TACR1: variants seen among roughly 807,000 people sequenced by gnomAD.
TACR1 encodes substance-P receptor.
In TACR1, 25 loss-of-function variants were observed where a neutral mutation model predicts 35.8. The ratio of observed to expected loss-of-function variants is 0.70; its 90% CI spans 0.51 to 0.98. The LOEUF is 0.98. Among genes scored for constraint, TACR1 ranks in the 50% least tolerant of loss-of-function variants. The pLI, the probability that TACR1 is intolerant of heterozygous loss-of-function variation, is 0.00. For synonymous variants in TACR1, 195 were observed against 206.7 expected (o/e 0.94, Z 0.48); for missense variants, 478 against 522.9 (o/e 0.91, Z 0.84).
chr2:75,090,162 G>T (rs1673281061), intron 2 of TACR1, among the ~76,000 whole-genome samples: 1 of 152,158 alleles, frequency 6.6e-6, no homozygotes, highest in Non-Finnish European at 1.5e-5. Flanking sequence ...TCCCCTGAAT[G>T]TCCATCCTCC....
intron 1 of TACR1, among the ~76,000 whole-genome samples, chr2:75,176,570 CAGA>C (rs1050642405): frequency 1.8e-4 from 27 of 152,218 alleles, no homozygotes; most frequent in African/African-American, 6.3e-4. Flanking sequence ...TGGACTTTCC[CAGA>C]AGATTTCTGG....
chr2:75,163,788 T>A (rs1675071016), intron 1 of TACR1, among the ~76,000 whole-genome samples: 1 of 152,206 alleles, frequency 6.6e-6, no homozygotes, highest in African/African-American at 2.4e-5. Context: ...GAGAGTGATT[T>A]GTATCCCAAT....
At chr2:75,055,228 A>C (rs1165334453) in intron 2 of TACR1, among the ~76,000 whole-genome samples, 1 of 152,216 alleles carries the variant, frequency 6.6e-6, no homozygotes, top group African/African-American at 2.4e-5. Context: ...TTCTTTGTAA[A>C]GCCCCACAGT....
intron 2 of TACR1, among the ~76,000 whole-genome samples, chr2:75,054,014 T>TA (rs942180915): frequency 3.6e-4 from 55 of 151,336 alleles, no homozygotes; most frequent in Admixed American, 1.8e-3. Flanking sequence ...CTGTTCAGAT[T>TA]AAAAAAAAAG....
At position 75,048,894 on chromosome 2, in the gene TACR1, CAT is replaced by C. The variant is rs1190150124; in HGVS notation, c.*536_*537del. ...TACTGAGATGCCAAAAAGGGGAATA[CAT>C]ATGTTTCTTTTCACAGATGCTTAGA... On this transcript the variant is annotated 3_prime_UTR_variant, in exon 5 of 5. Transcript: ENST00000305249. 6.5e-6 allele frequency: 1 copy of C among 153,614 alleles called. No homozygotes were observed. The highest frequency in any genetic ancestry group is 2.4e-5 in the African/African-American group (1 of 41,442). 9.5% of individuals were successfully genotyped at this position (153,614 alleles called of 1,614,324 possible).
rs907930365 is a variant in TACR1, at chr2:75,134,438, A to G, written c.390-13670T>C. 5.3e-5 allele frequency among the ~76,000 whole-genome samples: 8 copies of G among 152,332 alleles called. No homozygotes were observed. In the South Asian group the frequency reaches 1.7e-3, roughly 32 times the overall value. On this transcript the variant is annotated intron_variant, in intron 1 of 4. Coordinates refer to ENST00000305249, the MANE Select transcript of TACR1 (RefSeq NM_001058.4). ...AGTGGCTGTCTCTGGAGAAGGACACACATGATAATAAAGATGCAATTTGCT... is the reference window on the plus strand; with the variant it reads ...AGTGGCTGTCTCTGGAGAAGGACACGCATGATAATAAAGATGCAATTTGCT...
intron 2 of TACR1, among the ~76,000 whole-genome samples, chr2:75,098,114 C>T (rs1490209332): frequency 6.6e-6 from 1 of 152,124 alleles, no homozygotes; most frequent in African/African-American, 2.4e-5. Context: ...CGTAGAAATG[C>T]AGGGCAGATG....
Position 75,174,650 on chromosome 2 carries a change from A to G in TACR1, c.389+23896T>C, listed in dbSNP as rs574579272. Among the ~76,000 whole-genome samples, 17 of 152,334 alleles carry G rather than the reference A, an allele frequency of 1.1e-4. 1 individual carries two copies. In the East Asian group the frequency reaches 3.3e-3, roughly 29 times the overall value. On this transcript the variant is annotated intron_variant, in intron 1 of 4. Coordinates refer to ENST00000305249, the MANE Select transcript of TACR1 (RefSeq NM_001058.4). ...ATAAGGGGGGACTATTGTAATAGCAAATGGTTGCTGACAGAGGAAGAGGTG... is the reference window on the plus strand; with the variant it reads ...ATAAGGGGGGACTATTGTAATAGCAGATGGTTGCTGACAGAGGAAGAGGTG...
At chr2:75,113,759 A>C (rs1428313267) in intron 2 of TACR1, among the ~76,000 whole-genome samples, 3 of 152,062 alleles carry the variant, frequency 2.0e-5, no homozygotes, top group African/African-American at 7.2e-5. Flanking sequence ...CAGCTAGCAT[A>C]AACAATCAAT....
chr2:75,127,870 C>T (rs944059360), intron 1 of TACR1, among the ~76,000 whole-genome samples: 1 of 152,162 alleles, frequency 6.6e-6, no homozygotes, highest in East Asian at 1.9e-4. Context: ...CCATCTCTTT[C>T]AGGAAAACTT....
At chr2:75,068,636 T>A (rs1672815739) in intron 2 of TACR1, among the ~76,000 whole-genome samples, 1 of 152,236 alleles carries the variant, frequency 6.6e-6, no homozygotes, top group African/African-American at 2.4e-5. Context: ...CCTCATTCAG[T>A]TCTCCCAACA....
chr2:75,107,759 T>C (rs1673677235), intron 2 of TACR1, among the ~76,000 whole-genome samples: 1 of 151,762 alleles, frequency 6.6e-6, no homozygotes, highest in African/African-American at 2.4e-5. Flanking sequence ...TATTTGACAA[T>C]TGAAAATAAA....
intron 2 of TACR1, among the ~76,000 whole-genome samples, chr2:75,077,766 G>A (rs542984271): frequency 1.2e-3 from 185 of 152,324 alleles, no homozygotes; most frequent in African/African-American, 4.1e-3. Flanking sequence ...ATCCTTGGGA[G>A]TATGGAGCTG....
In TACR1 at chr2:75,151,181, G is replaced by T. The variant is rs1202668894; in HGVS notation, c.390-30413C>A. 3.3e-5 allele frequency among the ~76,000 whole-genome samples: 5 copies of T among 152,336 alleles called. 1 individual carries two copies. In the South Asian group the frequency reaches 6.2e-4, roughly 19 times the overall value. On this transcript the variant is annotated intron_variant, in intron 1 of 4. Transcript: ENST00000305249. ...AAAAGAAAAACTCATTTTCTGGGGAGAAATTCAAGCTGGCTGCAGAAGTTT... is the reference window on the plus strand; with the variant it reads ...AAAAGAAAAACTCATTTTCTGGGGATAAATTCAAGCTGGCTGCAGAAGTTT...
intron 2 of TACR1, among the ~76,000 whole-genome samples, chr2:75,107,789 A>G (rs34708452): frequency 6.6e-6 from 1 of 152,168 alleles, no homozygotes; most frequent in African/African-American, 2.4e-5. Flanking sequence ...TATTAAAATA[A>G]AAAATCCAGA....
chr2:75,158,066 G>A (rs10191107), intron 1 of TACR1, among the ~76,000 whole-genome samples: 79,802 of 152,056 alleles, frequency 0.52, 21,225 homozygotes, highest in Non-Finnish European at 0.55. Context: ...CTAGCTGTGT[G>A]AAGAATGCAT....
chr2:75,117,338 G>A (rs565404062), intron 2 of TACR1, among the ~76,000 whole-genome samples: 8 of 152,318 alleles, frequency 5.3e-5, no homozygotes, highest in African/African-American at 1.9e-4. Flanking sequence ...CAGAAGGCAG[G>A]TGCAGCAACC....
chr2:75,191,689 T>C (rs189421953), intron 1 of TACR1, among the ~76,000 whole-genome samples: 1 of 152,272 alleles, frequency 6.6e-6, no homozygotes, highest in East Asian at 1.9e-4. Context: ...ACCTTTATGG[T>C]AGGGAGAAAT....
intron 1 of TACR1, among the ~76,000 whole-genome samples, chr2:75,157,126 G>T (rs1487531357): frequency 6.6e-6 from 1 of 152,114 alleles, no homozygotes; most frequent in South Asian, 2.1e-4. Flanking sequence ...TTGTATTCAG[G>T]TCTGTGGTAG....
Sources: gnomAD v4.1 joint callset for allele counts (sites outside exome capture counted in the v4.1 genomes callset) on GRCh38, gnomAD v4.1.1 for gene constraint, MANE v1.5 for transcripts, NCBI Gene and HGNC (gene_info 2026-07-23, HGNC 2026-07-21) for gene names.